The following CDK7 variants were observed in gnomAD, a reference collection of about 807,000 sequenced individuals.
The protein encoded by CDK7 is cyclin-dependent kinase 7.
A neutral mutation model predicts 49.1 loss-of-function variants in CDK7; 25 were observed. The observed-to-expected ratio is 0.51, with a 90% confidence interval of 0.37 to 0.71. CDK7 has a LOEUF of 0.71. Ranked by LOEUF, CDK7 falls within the 30% of genes least tolerant of loss-of-function variation. The pLI, the probability that CDK7 is intolerant of heterozygous loss-of-function variation, is 0.00. For synonymous variants in CDK7, 107 were observed against 140.0 expected (o/e 0.76, Z 1.67); for missense variants, 316 against 411.7 (o/e 0.77, Z 2.01).
intron 3 of CDK7, among the ~76,000 whole-genome samples, chr5:69,254,059 C>CTG: frequency 6.6e-6 from 1 of 152,074 alleles, no homozygotes; most frequent in Non-Finnish European, 1.5e-5. Flanking sequence ...GAGATCATGC[C>CTG]ACTGCACTCC....
At chr5:69,252,691 T>C (rs953702965) in intron 3 of CDK7, among the ~76,000 whole-genome samples, 1 of 152,006 alleles carries the variant, frequency 6.6e-6, no homozygotes, top group Non-Finnish European at 1.5e-5. Flanking sequence ...TTATTTTTTG[T>C]AGAGATGAGG....
chr5:69,246,903 T>C (rs1749793010), intron 2 of CDK7, among the ~76,000 whole-genome samples: 1 of 152,224 alleles, frequency 6.6e-6, no homozygotes, highest in Non-Finnish European at 1.5e-5. Flanking sequence ...TATTACATAG[T>C]TTCCAAAATT....
At chr5:69,271,678 GT>G (rs1272486162) in intron 9 of CDK7, among the ~76,000 whole-genome samples, 1 of 151,542 alleles carries the variant, frequency 6.6e-6, no homozygotes, top group African/African-American at 2.4e-5. Context: ...CGCCCAGCTA[GT>G]TTTTGTGTTT....
At chr5:69,238,426 A>C (rs1749147910) in intron 2 of CDK7, among the ~76,000 whole-genome samples, 1 of 151,774 alleles carries the variant, frequency 6.6e-6, no homozygotes, top group African/African-American at 2.4e-5. Context: ...CTAGGAGTAC[A>C]GGTGCATGCC....
At chr5:69,255,790 T>G in intron 5 of CDK7, 1 of 474,028 alleles carries the variant, frequency 2.1e-6, no homozygotes, top group Non-Finnish European at 3.9e-6. Flanking sequence ...ACGTCATTTT[T>G]GGAGAAATGA....
chr5:69,255,499 G>C lies in CDK7; in HGVS notation c.268G>C (p.Val90Leu). 6.3e-7 allele frequency: 1 copy of C among 1,591,034 alleles called. No homozygotes were observed. The highest frequency in any genetic ancestry group is 8.6e-7 in the Non-Finnish European group (1 of 1,167,214). ...TGGACATAAATCTAATATTAGCCTTGTCTTTGATTTTATGGAAACTGATCT... is the reference window on the plus strand; with the variant it reads ...TGGACATAAATCTAATATTAGCCTTCTCTTTGATTTTATGGAAACTGATCT... ...AFGHKSNISLVFDFMETDLEV... is the reference protein window; with the variant it reads ...AFGHKSNISLLFDFMETDLEV... Residue 90 changes from valine (V) to leucine (L), a missense_variant, in exon 5 of 12, where the codon GTC becomes CTC. Physicochemically the swap from Val to Leu is conservative, Grantham distance 32 (BLOSUM62 1). Transcript: ENST00000256443.
chr5:69,251,742 A>G (rs1268187915), intron 2 of CDK7, among the ~76,000 whole-genome samples: 2 of 152,148 alleles, frequency 1.3e-5, no homozygotes, highest in Non-Finnish European at 2.9e-5. Context: ...TATGTTGCCC[A>G]GGCTGGTCTT....
intron 10 of CDK7, among the ~76,000 whole-genome samples, chr5:69,275,215 T>G (rs927214994): frequency 3.3e-5 from 5 of 152,174 alleles, no homozygotes; most frequent in Non-Finnish European, 7.3e-5. Context: ...TTATAGAACA[T>G]TGGCCTGGTA....
intron 5 of CDK7, among the ~76,000 whole-genome samples, chr5:69,256,201 G>A (rs1750478714): frequency 6.6e-6 from 1 of 151,720 alleles, no homozygotes; most frequent in Non-Finnish European, 1.5e-5. Flanking sequence ...GCCAAGGCAA[G>A]AGGATTGCTT....
At chr5:69,259,965 G>A (rs762190330) in intron 7 of CDK7, 29 bp downstream of exon 7, 9 of 1,362,846 alleles carry the variant, frequency 6.6e-6, no homozygotes, top group Non-Finnish European at 1.0e-6. Flanking sequence ...TACATGTGCA[G>A]GAGTTTGATC....
chr5:69,264,620 C>G (rs898563943), intron 8 of CDK7, among the ~76,000 whole-genome samples: 2 of 152,138 alleles, frequency 1.3e-5, no homozygotes, highest in African/African-American at 4.8e-5. Flanking sequence ...GGTAGGAAAT[C>G]TCAAAATAGT....
intron 2 of CDK7, among the ~76,000 whole-genome samples, chr5:69,250,571 G>T (rs993985549): frequency 2.2e-4 from 33 of 152,092 alleles, no homozygotes; most frequent in Admixed American, 1.5e-3. Context: ...TCATCTTCAG[G>T]GTAGTGGGTT....
In CDK7 at chr5:69,269,130, CTCTG is replaced by C. The variant is rs1449945991; in HGVS notation, c.628-73_628-70del. The C allele has an allele frequency of 9.1e-6, 8 of 874,606 alleles. No homozygotes were observed. In the African/African-American group the frequency reaches 1.4e-4, roughly 15 times the overall value. The allele number at this position is 874,606 out of a possible 1,614,324, so 54.2% of individuals were successfully genotyped here. A position where few individuals can be genotyped will look rare whatever the true frequency, so the allele number is the denominator to read the frequency against. The stretch of plus-strand genomic sequence containing the variant: ...CTGCAGCCTGGGTGACAGAGCGAGA[CTCTG>C]TCTCTCTAAAAAAAGAAAAAAATTA... On this transcript the variant is annotated intron_variant, in intron 8 of 11. Transcript: ENST00000256443.
intron 10 of CDK7, among the ~76,000 whole-genome samples, chr5:69,275,208 T>C (rs1409694149): frequency 1.3e-5 from 2 of 152,164 alleles, no homozygotes; most frequent in Non-Finnish European, 1.5e-5. Flanking sequence ...AAATGTATTA[T>C]AGAACATTGG....
rs895696190 is a variant in CDK7, at chr5:69,249,799, T to C, written c.127-2619T>C. On this transcript the variant is annotated intron_variant, in intron 2 of 11. Coordinates refer to ENST00000256443, the MANE Select transcript of CDK7 (RefSeq NM_001799.4). Reference sequence around the variant, plus strand: ...AGGCAGAGGTTGCAGTGAGCTGAGATTGTGCCATTGCACTCCAGCCTGGGC... The same window carrying C: ...AGGCAGAGGTTGCAGTGAGCTGAGACTGTGCCATTGCACTCCAGCCTGGGC... Among the ~76,000 whole-genome samples the C allele has an allele frequency of 5.9e-5, 9 of 152,340 alleles. No homozygotes were observed. The South Asian group carries it at 1.9e-3, about 32-fold the overall frequency.
intron 2 of CDK7, 168 bp downstream of exon 2, chr5:69,235,621 A>G (rs1748917344): frequency 1.6e-6 from 1 of 628,346 alleles, no homozygotes; most frequent in East Asian, 2.8e-5. Context: ...ACGGAACTCT[A>G]GGGTTGAACC....
At position 69,238,666 on chromosome 5, in the gene CDK7, T is replaced by TTA. The variant is rs574074395; in HGVS notation, c.126+3214_126+3215insAT. Among the ~76,000 whole-genome samples, 515 of 151,712 alleles carry TTA rather than the reference T, an allele frequency of 3.4e-3. 3 individuals are homozygous for TTA. Among genetic ancestry groups the TTA allele is most frequent in the Middle Eastern group, 3.4e-3 (1 of 294 alleles). The stretch of plus-strand genomic sequence containing the variant: ...GTTATTCTTTTTTTTTTATTTTATT[T>TTA]TTTTTTTTGAGACAAGGTCCCACTC... On this transcript the variant is annotated intron_variant, in intron 2 of 11. Transcript: ENST00000256443.
At chr5:69,250,649 G>T (rs1186057896) in intron 2 of CDK7, 1 of 453,960 alleles carries the variant, frequency 2.2e-6, no homozygotes, top group Non-Finnish European at 4.4e-6. Flanking sequence ...ATGGACCCTA[G>T]TAGCCCACCT....
At chr5:69,246,282 G>A (rs1174515517) in intron 2 of CDK7, among the ~76,000 whole-genome samples, 4 of 152,058 alleles carry the variant, frequency 2.6e-5, no homozygotes, top group South Asian at 2.1e-4. Context: ...GATTACAGGC[G>A]CATGCCACCA....
Sources: allele counts gnomAD v4.1 joint callset (sites outside exome capture counted in the v4.1 genomes callset), GRCh38; gene constraint gnomAD v4.1.1; transcripts MANE v1.5; gene names NCBI Gene and HGNC (gene_info 2026-07-23, HGNC 2026-07-21).